AKR1B15: variants seen among roughly 807,000 people sequenced by gnomAD.
AKR1B15 encodes aldo-keto reductase family 1 member B15.
AKR1B15 carries 49 observed loss-of-function variants against 38.5 expected under a neutral mutation model. That is an observed-to-expected ratio of 1.27 (90% CI 1.01 to 1.62). AKR1B15 has a LOEUF of 1.62. AKR1B15 is among the 40% of genes most tolerant of loss of function. The pLI is 0.00. For missense variants in AKR1B15, 411 were observed against 381.6 expected (o/e 1.08, Z -0.64); for synonymous variants, 137 against 135.5 (o/e 1.01, Z -0.08).
At chr7:134,579,444 T>A in intron 11 of AKR1B15, 63 bp from the exon 12 acceptor site, 1 of 1,408,902 alleles carries the variant, frequency 7.1e-7, no homozygotes, top group Non-Finnish European at 9.7e-7. Context: ...AAGAATACCT[T>A]CTCAGCGAGA....
At chr7:134,572,022 A>G (rs1794679502) in intron 6 of AKR1B15, among the ~76,000 whole-genome samples, 2 of 152,176 alleles carry the variant, frequency 1.3e-5, no homozygotes, top group South Asian at 4.1e-4. Flanking sequence ...TCAGTTTTGT[A>G]ACTCTTGTAG....
At position 134,568,321 on chromosome 7, in the gene AKR1B15, G is replaced by C. The variant is rs1037987094; in HGVS notation, c.314G>C (p.Ser105Thr). ...AVMREDLFIV[S>T]KVWPTFFERP... ...ATGCGGGAGGACCTGTTCATCGTCA[G>C]CAAGGTGCACATGGCGCATTTGGTG... Residue 105 changes from serine to threonine, a missense_variant, in exon 4 of 12, where the codon AGC (serine) becomes ACC (threonine). By Grantham distance (58) the Ser-to-Thr change is moderately conservative. Coordinates refer to ENST00000457545, the MANE Select transcript of AKR1B15 (RefSeq NM_001080538.3). 2 of 1,613,954 alleles carry C rather than the reference G, an allele frequency of 1.2e-6. No individual in the cohort carries two copies. Among genetic ancestry groups the C allele is most frequent in the African/African-American group, 2.7e-5 (2 of 74,918 alleles).
intron 5 of AKR1B15, among the ~76,000 whole-genome samples, chr7:134,570,851 T>A (rs1206190954): frequency 6.6e-6 from 1 of 152,210 alleles, no homozygotes; most frequent in African/African-American, 2.4e-5. Context: ...CAGTTATGTC[T>A]GAGAGAAGAC....
chr7:134,556,423 C>T (rs1432386136), intron 1 of AKR1B15, among the ~76,000 whole-genome samples: 1 of 152,136 alleles, frequency 6.6e-6, no homozygotes, highest in Non-Finnish European at 1.5e-5. Flanking sequence ...TCTTGTCATA[C>T]GTGCCCCCAT....
At position 134,579,505 on chromosome 7, in the gene AKR1B15, A is replaced by G; in HGVS notation, c.993-2A>G. ...TCTTTTTTTTTTTCTCTCTCTCTGTAGATTCTCTCATTTGGAGGACTTTCC... is the reference window on the plus strand; with the variant it reads ...TCTTTTTTTTTTTCTCTCTCTCTGTGGATTCTCTCATTTGGAGGACTTTCC... On this transcript the variant is annotated splice_acceptor_variant, in intron 11 of 11. Coordinates refer to ENST00000457545, the MANE Select transcript of AKR1B15 (RefSeq NM_001080538.3). LOFTEE classifies it high-confidence loss of function. 3 of 1,588,500 alleles carry G rather than the reference A, an allele frequency of 1.9e-6. No individual in the cohort carries two copies. The highest frequency in any genetic ancestry group is 2.6e-6 in the Non-Finnish European group (3 of 1,168,356).
intron 2 of AKR1B15, among the ~76,000 whole-genome samples, chr7:134,557,898 A>C (rs918158506): frequency 6.6e-6 from 1 of 152,148 alleles, no homozygotes; most frequent in Non-Finnish European, 1.5e-5. Context: ...GTTACAATAA[A>C]ATAGCAAAAC....
chr7:134,577,683 T>C (rs1389289443), intron 10 of AKR1B15, 21 bp from the exon 11 acceptor site: 5 of 1,611,570 alleles, frequency 3.1e-6, no homozygotes, highest in South Asian at 2.2e-5. Context: ...CGATAATGTA[T>C]TGGAATTCTT....
chr7:134,578,253 G>A (rs1308821833), intron 11 of AKR1B15, among the ~76,000 whole-genome samples: 1 of 152,194 alleles, frequency 6.6e-6, no homozygotes, highest in Non-Finnish European at 1.5e-5. Context: ...GGGCAAAGTG[G>A]ACAGGAAGTG....
intron 11 of AKR1B15, among the ~76,000 whole-genome samples, chr7:134,578,046 T>C (rs1256522789): frequency 6.6e-6 from 1 of 152,182 alleles, no homozygotes; most frequent in Non-Finnish European, 1.5e-5. Flanking sequence ...AGGCAGAACA[T>C]TCATTTATTC....
intron 10 of AKR1B15, 40 bp from the exon 11 acceptor site, chr7:134,577,664 C>T: frequency 1.9e-6 from 3 of 1,600,366 alleles, no homozygotes; most frequent in Non-Finnish European, 2.6e-6. Flanking sequence ...ACAGCAGTAA[C>T]AGCCTTACCG....
intron 1 of AKR1B15, among the ~76,000 whole-genome samples, 174 bp downstream of exon 1, chr7:134,549,423 T>C (rs1193676122): frequency 6.6e-6 from 1 of 152,106 alleles, no homozygotes; most frequent in African/African-American, 2.4e-5. Context: ...CTCATTCAGG[T>C]CTCCGGGAGA....
At position 134,575,798 on chromosome 7, in the gene AKR1B15, A is replaced by C. The variant is rs2117670784; in HGVS notation, c.637-23A>C. On this transcript the variant is annotated intron_variant, in intron 7 of 11. Transcript: ENST00000457545. ...CAAAACAGAGCCGGCTTTCCCCGTG[A>C]TGAGGATTGTTTGCTGTTGCAGGTT... 3.1e-6 allele frequency: 5 copies of C among 1,613,236 alleles called. No homozygotes were observed. The East Asian group carries it at 6.7e-5, about 22-fold the overall frequency.
intron 1 of AKR1B15, among the ~76,000 whole-genome samples, chr7:134,551,881 C>A (rs1351729333): frequency 6.6e-6 from 1 of 152,172 alleles, no homozygotes; most frequent in Non-Finnish European, 1.5e-5. Context: ...CTCACCCTGC[C>A]CCGCAGCAGA....
At chr7:134,578,217 C>T (rs1190012553) in intron 11 of AKR1B15, among the ~76,000 whole-genome samples, 2 of 152,140 alleles carry the variant, frequency 1.3e-5, no homozygotes, top group Non-Finnish European at 2.9e-5. Context: ...CAGACAGCAA[C>T]AAATGCTAGA....
intron 3 of AKR1B15, chr7:134,565,644 G>A (rs1445792587): frequency 5.2e-6 from 8 of 1,540,190 alleles, no homozygotes; most frequent in Non-Finnish European, 7.0e-6. Context: ...GGTCGGGTAG[G>A]GGTTTGGAGA....
chr7:134,563,491 T>C (rs933264639), intron 2 of AKR1B15, among the ~76,000 whole-genome samples: 1 of 152,104 alleles, frequency 6.6e-6, no homozygotes, highest in Non-Finnish European at 1.5e-5. Context: ...GAGGTTGCAG[T>C]GAGCCAAGAT....
At chr7:134,562,178 G>A (rs958340336) in intron 2 of AKR1B15, among the ~76,000 whole-genome samples, 7 of 152,134 alleles carry the variant, frequency 4.6e-5, no homozygotes, top group Admixed American at 3.9e-4. Context: ...TTGTGGTCTG[G>A]CTGACTTCAA....
rs1794586846 is a variant in AKR1B15, at chr7:134,568,257, G to A, written c.250G>A (p.Gly84Arg). The A allele has an allele frequency of 6.2e-7, 1 of 1,613,984 alleles. No individual in the cohort carries two copies. Among genetic ancestry groups the A allele is most frequent in the Non-Finnish European group, 8.5e-7 (1 of 1,180,000 alleles). The change falls in exon 4 of 12, where the codon GGA becomes AGA. Residue 84 changes from glycine to arginine, a missense_variant. Transcript: ENST00000457545. Reference protein sequence around the residue: ...AYFYENQHEVGEAIQEKIQEK... With the variant: ...AYFYENQHEVREAIQEKIQEK... ...TTTCTATGAGAATCAACATGAGGTG[G>A]GAGAAGCCATCCAAGAGAAGATCCA... is the stretch of plus-strand genomic sequence containing the variant.
rs1169787347 is a variant in AKR1B15 at position 134,549,237 on chromosome 7, T to G, written c.-159T>G. On this transcript the variant is annotated 5_prime_UTR_variant, in exon 1 of 12. Coordinates refer to ENST00000457545, the MANE Select transcript of AKR1B15 (RefSeq NM_001080538.3). Reference sequence around the variant, plus strand: ...ATTCAACTCCTGAGTCCTCAGTCTCTAGTCCCGGGAAGGTAAGTCAGATCT... The same window carrying G: ...ATTCAACTCCTGAGTCCTCAGTCTCGAGTCCCGGGAAGGTAAGTCAGATCT... The G allele has an allele frequency of 4.6e-5, 7 of 152,410 alleles. No homozygotes were observed. The highest frequency in any genetic ancestry group is 2.9e-5 in the Non-Finnish European group (2 of 68,088). 9.4% of individuals were successfully genotyped at this position (152,410 alleles called of 1,614,324 possible). A position where few individuals can be genotyped will look rare whatever the true frequency, so the allele number is the denominator to read the frequency against.
Sources: allele counts gnomAD v4.1 joint callset (sites outside exome capture counted in the v4.1 genomes callset), GRCh38; gene constraint gnomAD v4.1.1; transcripts MANE v1.5; gene names NCBI Gene and HGNC (gene_info 2026-07-23, HGNC 2026-07-21).